Variants in PAPPA2 observed in about 807,000 individuals in gnomAD.
PAPPA2 encodes the protein pappalysin-2.
A neutral mutation model predicts 176.4 loss-of-function variants in PAPPA2; 86 were observed. That is an observed-to-expected ratio of 0.49 (90% confidence interval 0.41 to 0.58). The LOEUF (loss-of-function observed/expected upper bound fraction) is 0.58. PAPPA2 is among the 20% of genes least tolerant of loss of function. The probability of loss-of-function intolerance (pLI) is 0.00; values close to 1 mark genes in which losing one functional copy is unlikely to be tolerated. For synonymous variants in PAPPA2, 809 were observed against 852.2 expected, an observed-to-expected ratio of 0.95 and a Z score of 0.88; for missense variants, 2,073 against 2,256.9, an observed-to-expected ratio of 0.92 and a Z score of 1.65.
At chr1:176,552,270 C>T (rs1018349152) in intron 1 of PAPPA2, among the ~76,000 whole-genome samples, 3 of 151,770 alleles carry the variant, frequency 2.0e-5, no homozygotes, top group Non-Finnish European at 4.4e-5. Flanking sequence ...AGAATCTTCT[C>T]TTTTTCCTAG....
chr1:176,603,304 C>A (rs1246361687), intron 3 of PAPPA2, among the ~76,000 whole-genome samples: 2 of 152,224 alleles, frequency 1.3e-5, no homozygotes, highest in African/African-American at 2.4e-5. Flanking sequence ...TGCACACTTA[C>A]ACATTTTTCT....
At chr1:176,464,833 A>C (rs1651540406) in intron 1 of PAPPA2, among the ~76,000 whole-genome samples, 1 of 152,246 alleles carries the variant, frequency 6.6e-6, no homozygotes, top group Non-Finnish European at 1.5e-5. Context: ...GAAAGTTAGA[A>C]CTATGCAGAA....
chr1:176,828,433 G>A (rs987530909), intron 21 of PAPPA2, among the ~76,000 whole-genome samples: 2 of 151,674 alleles, frequency 1.3e-5, no homozygotes, highest in African/African-American at 4.8e-5. Context: ...TAATTTGTGT[G>A]CATCTATACG....
intron 3 of PAPPA2, among the ~76,000 whole-genome samples, chr1:176,651,405 T>C (rs570066596): frequency 1.3e-5 from 2 of 151,758 alleles, no homozygotes; most frequent in Admixed American, 6.6e-5. Flanking sequence ...GACAATATAC[T>C]TGAATGGCAG....
chr1:176,588,497 A>G (rs1372665819), intron 2 of PAPPA2, among the ~76,000 whole-genome samples: 2 of 152,184 alleles, frequency 1.3e-5, no homozygotes, highest in Non-Finnish European at 2.9e-5. Flanking sequence ...ACTTATTTCT[A>G]TAGATGGGTC....
chr1:176,765,887 G>A, intron 15 of PAPPA2, 50 bp downstream of exon 15: 2 of 1,591,194 alleles, frequency 1.3e-6, no homozygotes, highest in South Asian at 1.1e-5. Flanking sequence ...GGAAGGGGAG[G>A]TATTCACACT....
intron 1 of PAPPA2, among the ~76,000 whole-genome samples, chr1:176,483,112 G>C (rs1387982066): frequency 6.6e-6 from 1 of 152,070 alleles, no homozygotes; most frequent in Non-Finnish European, 1.5e-5. Context: ...GGACATACTG[G>C]ATCACTTCTC....
rs1443788497 is a variant in PAPPA2 at position 176,706,441 on chromosome 1, A to C, written c.3448A>C (p.Asn1150His). The change falls in exon 10 of 23, where the codon AAC becomes CAC. Residue 1150 changes from asparagine to histidine, a missense_variant. Physicochemically the swap from Asn to His is moderately conservative, Grantham distance 68. This residue lies in a region of PAPPA2 where 846 missense variants were observed against 857.9 expected (regional missense o/e 0.99). Coordinates refer to ENST00000367662, the MANE Select transcript of PAPPA2 (RefSeq NM_020318.3). ...GGTGTGTGAGCTGGAGGAAGGTTTC[A>C]ACTGTGTAGGTAAGTTCAAGAGTTT... Reference protein sequence around the residue: ...SKVCELEEGFNCVGEPSLCYM... With the variant: ...SKVCELEEGFHCVGEPSLCYM... The C allele has an allele frequency of 1.9e-6, 3 of 1,613,210 alleles. No individual in the cohort carries two copies. The highest frequency in any genetic ancestry group is 1.7e-5 in the Admixed American group (1 of 59,928).
intron 2 of PAPPA2, among the ~76,000 whole-genome samples, chr1:176,580,670 A>G (rs1290192746): frequency 3.3e-5 from 5 of 151,924 alleles, no homozygotes; most frequent in African/African-American, 1.2e-4. Context: ...AGTAATAACC[A>G]TCCCAACTGG....
intron 1 of PAPPA2, among the ~76,000 whole-genome samples, chr1:176,525,219 A>C (rs1009964368): frequency 2.6e-5 from 4 of 152,178 alleles, no homozygotes. Flanking sequence ...TTGCTGATGG[A>C]TTGGCTGAAT....
intron 1 of PAPPA2, among the ~76,000 whole-genome samples, chr1:176,531,985 A>G (rs1368618482): frequency 1.3e-5 from 2 of 152,116 alleles, no homozygotes; most frequent in Non-Finnish European, 2.9e-5. Context: ...GGGCTCAAGA[A>G]CTGGCCCTGA....
At chr1:176,476,885 G>A (rs1652152609) in intron 1 of PAPPA2, among the ~76,000 whole-genome samples, 2 of 152,158 alleles carry the variant, frequency 1.3e-5, no homozygotes. Context: ...CCTTCTGTTT[G>A]CACTTGGATA....
chr1:176,481,272 A>AC (rs1481521368), intron 1 of PAPPA2, among the ~76,000 whole-genome samples: 1 of 80,776 alleles, frequency 1.2e-5, no homozygotes, highest in Non-Finnish European at 2.5e-5. Context: ...ACACACACAC[A>AC]CACACACACA....
intron 19 of PAPPA2, 135 bp downstream of exon 19, chr1:176,791,617 AGT>A: frequency 9.8e-7 from 1 of 1,019,006 alleles, no homozygotes; most frequent in Non-Finnish European, 1.4e-6. Flanking sequence ...GCAGTGGCAC[AGT>A]CTCAGCTCAC....
At chr1:176,719,766 T>C (rs1571224105) in intron 12 of PAPPA2, among the ~76,000 whole-genome samples, 1 of 152,346 alleles carries the variant, frequency 6.6e-6, no homozygotes, top group African/African-American at 2.4e-5. Flanking sequence ...AGTATTATCA[T>C]TTTTCATTTA....
chr1:176,804,613 A>G (rs1665817988), intron 21 of PAPPA2, among the ~76,000 whole-genome samples: 2 of 152,134 alleles, frequency 1.3e-5, no homozygotes, highest in South Asian at 4.1e-4. Flanking sequence ...CAGATGGGTT[A>G]TATAATCATA....
chr1:176,582,101 G>A (rs1258093054), intron 2 of PAPPA2, among the ~76,000 whole-genome samples: 2 of 149,836 alleles, frequency 1.3e-5, no homozygotes, highest in South Asian at 2.1e-4. Context: ...TTTTTTTTTT[G>A]TAATTTTAGT....
chr1:176,499,828 G>T (rs1647856677), intron 1 of PAPPA2, among the ~76,000 whole-genome samples: 2 of 152,154 alleles, frequency 1.3e-5, no homozygotes, highest in Admixed American at 1.3e-4. Context: ...AACCTTTTGG[G>T]GTTGTGAGTA....
chr1:176,674,800 G>A (rs945743346), intron 4 of PAPPA2, among the ~76,000 whole-genome samples: 2 of 150,968 alleles, frequency 1.3e-5, no homozygotes, highest in Non-Finnish European at 2.9e-5. Context: ...CCCAGTAGTG[G>A]GATTGCTGGA....
Sources: gnomAD v4.1 joint callset for allele counts (sites outside exome capture counted in the v4.1 genomes callset) on GRCh38, gnomAD v4.1.1 for gene constraint, gnomAD v4.1.1 regional missense constraint, MANE v1.5 for transcripts, NCBI Gene and HGNC (gene_info 2026-07-23, HGNC 2026-07-21) for gene names.